SYT14: variants seen among roughly 807,000 people sequenced by gnomAD.
SYT14 encodes the protein synaptotagmin 14, also known as synaptotagmin-14.
A neutral mutation model predicts 74.2 loss-of-function variants in SYT14; 32 were observed. That is an observed-to-expected ratio of 0.43 (90% confidence interval 0.33 to 0.58). The LOEUF is 0.58. Ranked by LOEUF, SYT14 falls within the 20% of genes least tolerant of loss-of-function variation. SYT14 has a pLI of 0.05. For missense variants in SYT14, 791 were observed against 981.8 expected (o/e 0.81, Z 2.60); for synonymous variants, 298 against 337.7 (o/e 0.88, Z 1.29).
At chr1:209,978,893 C>T (rs922750423) in intron 2 of SYT14, among the ~76,000 whole-genome samples, 1 of 152,216 alleles carries the variant, frequency 6.6e-6, no homozygotes, top group African/African-American at 2.4e-5. Context: ...CCTACTCAAG[C>T]CTGGGCAGTG....
At chr1:210,051,041 C>A (rs186799429) in intron 5 of SYT14, among the ~76,000 whole-genome samples, 1 of 152,260 alleles carries the variant, frequency 6.6e-6, no homozygotes, top group Non-Finnish European at 1.5e-5. Context: ...TTTTAGTGAA[C>A]AGTTTATTTT....
At chr1:210,046,802 G>A (rs1051943756) in intron 5 of SYT14, among the ~76,000 whole-genome samples, 3 of 152,004 alleles carry the variant, frequency 2.0e-5, no homozygotes, top group Non-Finnish European at 4.4e-5. Context: ...TTACTATTAG[G>A]AATAATGCTG....
intron 2 of SYT14, among the ~76,000 whole-genome samples, chr1:209,994,617 G>A (rs1480037507): frequency 6.6e-6 from 1 of 152,074 alleles, no homozygotes; most frequent in African/African-American, 2.4e-5. Context: ...AGGTTGACAT[G>A]TTAATCCAAT....
intron 7 of SYT14, among the ~76,000 whole-genome samples, chr1:210,133,747 A>G (rs1261912783): frequency 1.3e-5 from 2 of 152,080 alleles, no homozygotes; most frequent in Non-Finnish European, 2.9e-5. Context: ...GCTGAGTACT[A>G]ATTTTGATGT....
intron 5 of SYT14, among the ~76,000 whole-genome samples, chr1:210,045,448 T>C (rs2080867420): frequency 1.3e-5 from 2 of 152,190 alleles, no homozygotes; most frequent in Admixed American, 1.3e-4. Context: ...GAGGACATAT[T>C]CTTTTTTTGT....
At chr1:209,973,017 T>G (rs1001110005) in intron 2 of SYT14, among the ~76,000 whole-genome samples, 2 of 152,236 alleles carry the variant, frequency 1.3e-5, no homozygotes, top group African/African-American at 2.4e-5. Context: ...TTTATGAATC[T>G]GAGTGCCTCA....
intron 5 of SYT14, among the ~76,000 whole-genome samples, chr1:210,056,115 C>T (rs2081091284): frequency 6.6e-6 from 1 of 152,082 alleles, no homozygotes; most frequent in East Asian, 1.9e-4. Context: ...CAATGTGAAA[C>T]TTACCTTTAT....
At chr1:209,965,370 ATTG>A (rs2079139514) in intron 2 of SYT14, among the ~76,000 whole-genome samples, 1 of 152,134 alleles carries the variant, frequency 6.6e-6, no homozygotes, top group African/African-American at 2.4e-5. Flanking sequence ...CTACATCTAT[ATTG>A]TTGCGAAGGA....
Position 210,133,287 on chromosome 1 carries a change from G to A in SYT14, c.2035-22434G>A, listed in dbSNP as rs114775481. Among the ~76,000 whole-genome samples the A allele has an allele frequency of 6.2e-3, 946 of 152,296 alleles. 7 individuals are homozygous for A. The highest frequency in any genetic ancestry group is 0.021 in the African/African-American group (871 of 41,564). On this transcript the variant is annotated intron_variant, in intron 7 of 9. Transcript: ENST00000637265. Reference sequence around the variant, plus strand: ...AGTGACTTTTGCTGTATTCCACTGGGATATAGGTTCTTCAACACTTATTAT... The same window carrying A: ...AGTGACTTTTGCTGTATTCCACTGGAATATAGGTTCTTCAACACTTATTAT...
chr1:210,013,872 A>G (rs1004775158), intron 3 of SYT14, 75 bp downstream of exon 3: 10 of 1,453,960 alleles, frequency 6.9e-6, no homozygotes, highest in African/African-American at 1.4e-5. Flanking sequence ...AATATATGCA[A>G]TAAAAAGGTT....
At chr1:209,960,381 A>G (rs1031843729) in intron 2 of SYT14, among the ~76,000 whole-genome samples, 2 of 152,216 alleles carry the variant, frequency 1.3e-5, no homozygotes, top group Non-Finnish European at 2.9e-5. Context: ...AAATAAATAT[A>G]TGCCTTTTTT....
chr1:210,058,618 T>A (rs2081143653), intron 5 of SYT14, among the ~76,000 whole-genome samples: 1 of 152,118 alleles, frequency 6.6e-6, no homozygotes, highest in Non-Finnish European at 1.5e-5. Flanking sequence ...TGAAGCTGAA[T>A]ATCACCCAAA....
chr1:209,939,056 T>G (rs1404868611), intron 1 of SYT14, among the ~76,000 whole-genome samples: 1 of 152,178 alleles, frequency 6.6e-6, no homozygotes, highest in Non-Finnish European at 1.5e-5. Context: ...CTAGATAAGG[T>G]AGTTGACACT....
chr1:210,007,858 C>A (rs2080016785), intron 2 of SYT14, among the ~76,000 whole-genome samples: 1 of 152,034 alleles, frequency 6.6e-6, no homozygotes. Context: ...ATTTATTAAT[C>A]TAAAGACTAA....
exon 4 of SYT14, chr1:210,015,943 G>T: frequency 8.1e-7 from 1 of 1,231,096 alleles, no homozygotes; most frequent in Non-Finnish European, 1.0e-6. Flanking sequence ...TTCCAAAGTG[G>T]TTGATATTTT....
At chr1:209,975,152 A>C (rs1052180704) in intron 2 of SYT14, among the ~76,000 whole-genome samples, 4 of 152,170 alleles carry the variant, frequency 2.6e-5, no homozygotes, top group South Asian at 4.1e-4. Context: ...ATCACGTCAT[A>C]TGCAAACAGG....
rs562884172 is a variant in SYT14 at position 210,072,071 on chromosome 1, C to T, written c.1313-22251C>T. 3.6e-3 allele frequency among the ~76,000 whole-genome samples: 547 copies of T among 150,612 alleles called. 2 individuals carry two copies. Among genetic ancestry groups the T allele is most frequent in the African/African-American group, 0.013 (525 of 41,248 alleles). ...TTTTAAAAATAACTCATTTTCTATT[C>T]AATAATTTGATGTCTATTCAGATTT... is the stretch of plus-strand genomic sequence containing the variant. On this transcript the variant is annotated intron_variant, in intron 5 of 9. Coordinates refer to ENST00000637265, the Ensembl canonical transcript of SYT14.
At chr1:210,020,754 A>G (rs2080283848) in intron 4 of SYT14, among the ~76,000 whole-genome samples, 1 of 152,226 alleles carries the variant, frequency 6.6e-6, no homozygotes, top group Non-Finnish European at 1.5e-5. Flanking sequence ...AACATTATTT[A>G]TATAATAGAA....
intron 5 of SYT14, among the ~76,000 whole-genome samples, chr1:210,047,730 C>A (rs891322050): frequency 2.0e-5 from 3 of 152,168 alleles, no homozygotes; most frequent in Admixed American, 6.5e-5. Context: ...ATTTTCAATG[C>A]ATTTCTGATT....
Sources: allele counts gnomAD v4.1 joint callset (sites outside exome capture counted in the v4.1 genomes callset), GRCh38; gene constraint gnomAD v4.1.1; transcripts MANE v1.5; gene names NCBI Gene and HGNC (gene_info 2026-07-23, HGNC 2026-07-21).